The following MSI2 variants were observed in gnomAD, a reference collection of about 807,000 sequenced individuals.
The protein encoded by MSI2 is musashi RNA binding protein 2.
MSI2 carries 17 observed loss-of-function variants against 45.6 expected under a neutral mutation model. The ratio of observed to expected loss-of-function variants is 0.37; its 90% CI spans 0.26 to 0.56. MSI2 has a LOEUF of 0.56. Among genes scored for constraint, MSI2 ranks in the 20% least tolerant of loss-of-function variants. The pLI, the probability that MSI2 is intolerant of heterozygous loss-of-function variation, is 0.77. For synonymous variants in MSI2, 156 were observed against 158.2 expected (o/e 0.99, Z 0.11); for missense variants, 293 against 444.2 (o/e 0.66, Z 3.06).
chr17:57,586,123 G>A (rs2088340182), intron 7 of MSI2, among the ~76,000 whole-genome samples: 1 of 152,256 alleles, frequency 6.6e-6, no homozygotes. Flanking sequence ...GAACTAATCT[G>A]CTGCCCTGAC....
intron 6 of MSI2, among the ~76,000 whole-genome samples, chr17:57,518,052 C>T (rs900894504): frequency 2.0e-5 from 3 of 152,188 alleles, no homozygotes; most frequent in Admixed American, 6.5e-5. Flanking sequence ...AGCTCTCCCT[C>T]TCCCTCAGTC....
chr17:57,688,952 C>T (rs749630777), downstream of MSI2, among the ~76,000 whole-genome samples: 62 of 152,260 alleles, frequency 4.1e-4, no homozygotes, highest in African/African-American at 1.3e-3. Flanking sequence ...GAGCTGGGAT[C>T]CACATTCCAG....
chr17:57,262,240 C>A lies in MSI2; in HGVS notation c.312+48C>A, dbSNP rs1233770957. 3.8e-6 allele frequency: 6 copies of A among 1,592,632 alleles called. No individual in the cohort carries two copies. The South Asian group carries it at 6.6e-5, about 18-fold the overall frequency. On this transcript the variant is annotated intron_variant, in intron 5 of 13. Transcript: ENST00000284073. ...GGATTTTAGCACTCAGAGATGATTG[C>A]CAAGAATTTCAAATTTCAAACAGCA... is the stretch of plus-strand genomic sequence containing the variant.
At chr17:57,435,072 A>G (rs2084667275) in intron 6 of MSI2, among the ~76,000 whole-genome samples, 1 of 152,122 alleles carries the variant, frequency 6.6e-6, no homozygotes, top group Non-Finnish European at 1.5e-5. Context: ...TGTAAGAGAG[A>G]CTGCTTGGGG....
rs1001371974 is a variant in MSI2, at chr17:57,627,056, G to A, written c.653-173G>A. 5.2e-5 allele frequency: 33 copies of A among 637,684 alleles called. No individual in the cohort carries two copies. Among genetic ancestry groups the A allele is most frequent in the African/African-American group, 2.4e-4 (13 of 54,300 alleles). 39.5% of individuals were successfully genotyped at this position (637,684 alleles called of 1,614,324 possible). ...AGCAACAGCTGACAGCAGCGCCCCC[G>A]GCCACAGGAGAGAGGTGACCCAGAC... is the stretch of plus-strand genomic sequence containing the variant. On this transcript the variant is annotated intron_variant, in intron 9 of 13. Transcript: ENST00000284073. This position sits in a 1 kb window ranked among gnomAD's most constrained non-coding sequence, Gnocchi z 4.6.
intron 7 of MSI2, among the ~76,000 whole-genome samples, chr17:57,538,307 C>T (rs908672748): frequency 7.2e-5 from 11 of 152,018 alleles, no homozygotes; most frequent in Admixed American, 2.0e-4. Flanking sequence ...AGAGGGGTCC[C>T]GGTTATTATG....
intron 10 of MSI2, among the ~76,000 whole-genome samples, chr17:57,648,296 G>A (rs1179256362): frequency 1.3e-5 from 2 of 152,080 alleles, no homozygotes; most frequent in African/African-American, 2.4e-5. Context: ...GAGCCACCGC[G>A]CCTGGCCTAG....
chr17:57,391,291 CT>C (rs564707948), intron 5 of MSI2, among the ~76,000 whole-genome samples: 67 of 152,206 alleles, frequency 4.4e-4, no homozygotes, highest in Middle Eastern at 3.4e-3. Flanking sequence ...GGATGGTGTT[CT>C]CAGGGTTACG....
intron 7 of MSI2, among the ~76,000 whole-genome samples, chr17:57,550,069 A>T (rs1356790391): frequency 6.6e-6 from 1 of 152,186 alleles, no homozygotes; most frequent in African/African-American, 2.4e-5. Flanking sequence ...TCCCTACCCC[A>T]TCCCCGCCTT....
chr17:57,676,077 T>C (rs959971274), intron 12 of MSI2, among the ~76,000 whole-genome samples: 1 of 152,228 alleles, frequency 6.6e-6, no homozygotes, highest in African/African-American at 2.4e-5. Flanking sequence ...GCCACGTTCC[T>C]GTCAGACTCC....
At chr17:57,474,265 G>T (rs2085495860) in intron 6 of MSI2, among the ~76,000 whole-genome samples, 1 of 152,132 alleles carries the variant, frequency 6.6e-6, no homozygotes, top group African/African-American at 2.4e-5. Context: ...TAATCCTTCT[G>T]CAAGGTAGTT....
chr17:57,490,555 G>A (rs1045504964), intron 6 of MSI2, among the ~76,000 whole-genome samples: 4 of 152,202 alleles, frequency 2.6e-5, no homozygotes, highest in East Asian at 3.8e-4. Context: ...CTTTATAAGA[G>A]GTCATGTAAA....
At chr17:57,563,684 A>T (rs1051234900) in intron 7 of MSI2, among the ~76,000 whole-genome samples, 27 of 145,066 alleles carry the variant, frequency 1.9e-4, no homozygotes, top group African/African-American at 6.7e-4. Context: ...TTAGTGGCTG[A>T]CTGTCTGTCT....
chr17:57,527,432 C>G (rs1035942880), intron 6 of MSI2, among the ~76,000 whole-genome samples: 1 of 151,168 alleles, frequency 6.6e-6, no homozygotes, highest in African/African-American at 2.4e-5. Context: ...GGTGGAACGG[C>G]TGTTGTGTGT....
chr17:57,638,901 C>CA (rs903251846), intron 10 of MSI2, among the ~76,000 whole-genome samples: 1 of 151,724 alleles, frequency 6.6e-6, no homozygotes, highest in Non-Finnish European at 1.5e-5. Flanking sequence ...GACCCTGTCT[C>CA]AAAAAAAGAA....
intron 6 of MSI2, among the ~76,000 whole-genome samples, chr17:57,410,095 G>T (rs763095223): frequency 3.3e-5 from 5 of 150,826 alleles, no homozygotes; most frequent in Admixed American, 2.6e-4. Context: ...GTAGGGAGAA[G>T]ACCTGGGCAG....
intron 6 of MSI2, among the ~76,000 whole-genome samples, chr17:57,430,059 A>G (rs111500392): frequency 3.2e-4 from 49 of 152,324 alleles, no homozygotes; most frequent in African/African-American, 1.1e-3. Context: ...GTGAATTCTC[A>G]ATCCGATGTT....
intron 7 of MSI2, among the ~76,000 whole-genome samples, chr17:57,584,739 C>T (rs979064625): frequency 1.3e-5 from 2 of 151,374 alleles, no homozygotes. Context: ...GGCCAGCATG[C>T]CCGCACCCTG....
intron 5 of MSI2, among the ~76,000 whole-genome samples, chr17:57,293,601 T>G (rs981468397): frequency 5.4e-5 from 8 of 147,236 alleles, no homozygotes; most frequent in Admixed American, 2.0e-4. Flanking sequence ...TTTTGTTTTT[T>G]TTTTTGTTTT....
Sources: allele counts gnomAD v4.1 joint callset (sites outside exome capture counted in the v4.1 genomes callset), GRCh38; gene constraint gnomAD v4.1.1; non-coding constraint Gnocchi (gnomAD v3.1); transcripts MANE v1.5; gene names NCBI Gene and HGNC (gene_info 2026-07-23, HGNC 2026-07-21).